Variants in FAM135B observed in about 807,000 individuals in gnomAD.
FAM135B encodes the protein protein FAM135B.
Under a neutral mutation model 127.7 loss-of-function variants are expected in FAM135B, and 43 were observed. The ratio of observed to expected loss-of-function variants is 0.34; its 90% confidence interval spans 0.26 to 0.43. FAM135B has a LOEUF of 0.43. Ranked by LOEUF, FAM135B falls within the 20% of genes least tolerant of loss-of-function variation. FAM135B has a pLI of 1.00. For synonymous variants in FAM135B, 670 were observed against 665.1 expected, an observed-to-expected ratio of 1.01 and a Z score of -0.11; for missense variants, 1,558 against 1,725.6, an observed-to-expected ratio of 0.90 and a Z score of 1.72.
At chr8:138,323,914 G>T (rs1827625482) in intron 2 of FAM135B, among the ~76,000 whole-genome samples, 1 of 152,176 alleles carries the variant, frequency 6.6e-6, no homozygotes, top group African/African-American at 2.4e-5. Flanking sequence ...ATAATTGAAG[G>T]TTCCTTAATG....
At chr8:138,136,377 T>C (rs1362548136) in intron 19 of FAM135B, among the ~76,000 whole-genome samples, 1 of 152,114 alleles carries the variant, frequency 6.6e-6, no homozygotes, top group African/African-American at 2.4e-5. Context: ...AAAGGGGACA[T>C]TAGTGGACAC....
chr8:138,449,008 T>G (rs1045538666), intron 1 of FAM135B, among the ~76,000 whole-genome samples: 2 of 152,186 alleles, frequency 1.3e-5, no homozygotes, highest in African/African-American at 4.8e-5. Flanking sequence ...TCCATTGTAT[T>G]GCTGATACAG....
intron 1 of FAM135B, among the ~76,000 whole-genome samples, chr8:138,424,996 T>C (rs957310838): frequency 4.6e-5 from 7 of 152,176 alleles, no homozygotes; most frequent in Admixed American, 2.6e-4. Flanking sequence ...GCCAACTCCA[T>C]TGATTATCTG....
At chr8:138,191,716 C>T (rs1202562587) in intron 9 of FAM135B, among the ~76,000 whole-genome samples, 4 of 152,210 alleles carry the variant, frequency 2.6e-5, no homozygotes, top group East Asian at 1.9e-4. Flanking sequence ...CCCAGGAAAA[C>T]GTTGATCCTT....
At chr8:138,469,493 A>T (rs2131642593) in intron 1 of FAM135B, among the ~76,000 whole-genome samples, 1 of 152,312 alleles carries the variant, frequency 6.6e-6, no homozygotes, top group African/African-American at 2.4e-5. Flanking sequence ...GTGACATCTT[A>T]GGAACTAGGG....
chr8:138,284,686 G>A (rs972446488), intron 3 of FAM135B, among the ~76,000 whole-genome samples: 13 of 151,548 alleles, frequency 8.6e-5, no homozygotes, highest in African/African-American at 2.2e-4. Flanking sequence ...GCTTCAACTC[G>A]CCCCTCACCT....
intron 1 of FAM135B, among the ~76,000 whole-genome samples, chr8:138,462,870 C>T (rs1425651114): frequency 6.6e-6 from 1 of 152,196 alleles, no homozygotes; most frequent in Non-Finnish European, 1.5e-5. Flanking sequence ...CAGCCCATGG[C>T]TGAGTTTCAA....
intron 2 of FAM135B, among the ~76,000 whole-genome samples, chr8:138,318,582 C>T (rs999859101): frequency 3.3e-5 from 5 of 152,192 alleles, no homozygotes; most frequent in African/African-American, 1.2e-4. Context: ...ACCAGTTATC[C>T]GAAGCCACAG....
chr8:138,339,449 A>G (rs1828887091), intron 2 of FAM135B, among the ~76,000 whole-genome samples: 1 of 151,426 alleles, frequency 6.6e-6, no homozygotes. Flanking sequence ...ACACATACCC[A>G]TTCTCCTCTC....
At chr8:138,197,984 T>C (rs1816799518) in intron 7 of FAM135B, among the ~76,000 whole-genome samples, 1 of 152,214 alleles carries the variant, frequency 6.6e-6, no homozygotes, top group African/African-American at 2.4e-5. Flanking sequence ...ATGAGGACAT[T>C]GGCCTCACAG....
At chr8:138,346,900 C>A (rs1004301639) in intron 2 of FAM135B, among the ~76,000 whole-genome samples, 2 of 152,158 alleles carry the variant, frequency 1.3e-5, no homozygotes, top group Non-Finnish European at 2.9e-5. Flanking sequence ...CAAGCACTCA[C>A]CAATGTCCAT....
intron 1 of FAM135B, among the ~76,000 whole-genome samples, chr8:138,464,918 T>C (rs978772681): frequency 6.6e-6 from 1 of 152,220 alleles, no homozygotes; most frequent in Non-Finnish European, 1.5e-5. Flanking sequence ...TTAAGACTTT[T>C]GCGAATGCAG....
chr8:138,221,377 G>A (rs79999831), intron 7 of FAM135B, among the ~76,000 whole-genome samples: 9,286 of 152,132 alleles, frequency 0.061, 459 homozygotes, highest in East Asian at 0.25. Context: ...AAGGGGGATG[G>A]TGCCAAATCA....
At chr8:138,311,717 C>T (rs1826697454) in intron 2 of FAM135B, among the ~76,000 whole-genome samples, 1 of 152,168 alleles carries the variant, frequency 6.6e-6, no homozygotes, top group South Asian at 2.1e-4. Flanking sequence ...GCTCATTGAG[C>T]TCATAGCTGG....
intron 3 of FAM135B, among the ~76,000 whole-genome samples, chr8:138,298,642 T>C (rs904613542): frequency 5.8e-4 from 89 of 152,284 alleles, no homozygotes; most frequent in African/African-American, 1.8e-3. Flanking sequence ...TTTTTTCTCA[T>C]GGTTTACAGG....
chr8:138,471,123 G>A (rs978928694), intron 1 of FAM135B, among the ~76,000 whole-genome samples: 2 of 152,174 alleles, frequency 1.3e-5, no homozygotes, highest in African/African-American at 4.8e-5. Context: ...GGTGAGAGGG[G>A]CAGGATATCG....
Position 138,152,809 on chromosome 8 carries a change from C to T in FAM135B, c.1666G>A (p.Val556Ile), listed in dbSNP as rs538879681. Residue 556 changes from valine (V) to isoleucine (I), a missense_variant, in exon 13 of 20, where the codon GTA becomes ATA. By Grantham distance (29) the Val-to-Ile change is conservative. Coordinates refer to ENST00000395297, the MANE Select transcript of FAM135B (RefSeq NM_015912.4). ...GQAPVLTYIDVKSSNKNPSRA... is the reference protein window; with the variant it reads ...GQAPVLTYIDIKSSNKNPSRA... ...GAGGGGTTCTTATTGCTAGATTTTA[C>T]GTCAATGTAGGTCAGCACTGGGGCC... 5.3e-5 allele frequency: 85 copies of T among 1,614,160 alleles called. No homozygotes were observed. The highest frequency in any genetic ancestry group is 1.2e-4 in the South Asian group (11 of 91,084).
intron 1 of FAM135B, among the ~76,000 whole-genome samples, chr8:138,432,223 T>G (rs138459080): frequency 1.3e-5 from 2 of 152,250 alleles, no homozygotes; most frequent in East Asian, 3.9e-4. Context: ...AAATGTTCCT[T>G]TATAAAACGT....
chr8:138,149,802 C>T (rs939042810), intron 13 of FAM135B, among the ~76,000 whole-genome samples: 4 of 152,208 alleles, frequency 2.6e-5, no homozygotes, highest in South Asian at 2.1e-4. Flanking sequence ...CTCCACCACG[C>T]GCACATGAAA....
Sources: gnomAD v4.1 joint callset for allele counts (sites outside exome capture counted in the v4.1 genomes callset) on GRCh38, gnomAD v4.1.1 for gene constraint, MANE v1.5 for transcripts, NCBI Gene and HGNC (gene_info 2026-07-23, HGNC 2026-07-21) for gene names.